ALG9: variants seen among roughly 807,000 people sequenced by gnomAD.
The protein encoded by ALG9 is ALG9 alpha-1,2-mannosyltransferase.
Under a neutral mutation model 81.8 loss-of-function variants are expected in ALG9, and 55 were observed. That is an observed-to-expected ratio of 0.67 (90% CI 0.54 to 0.84). ALG9 has a LOEUF of 0.84. ALG9 is among the 40% of genes least tolerant of loss of function. ALG9 has a pLI of 0.00. For missense variants in ALG9, 629 were observed against 745.0 expected (o/e 0.84, Z 1.81); for synonymous variants, 278 against 274.3 (o/e 1.01, Z -0.13).
intron 13 of ALG9, among the ~76,000 whole-genome samples, chr11:111,822,408 CAAA>C (rs56367678): frequency 1.5e-5 from 1 of 66,546 alleles, no homozygotes; most frequent in African/African-American, 6.7e-5. Context: ...AACTCAGTCT[CAAA>C]AAAAAAAAAA....
chr11:111,837,223 T>C (rs1955452429), intron 12 of ALG9, among the ~76,000 whole-genome samples: 1 of 152,096 alleles, frequency 6.6e-6, no homozygotes, highest in Non-Finnish European at 1.5e-5. Flanking sequence ...TTTTCAGAAG[T>C]CCCCAGACAC....
At chr11:111,851,020 C>T (rs1005268332) in intron 8 of ALG9, among the ~76,000 whole-genome samples, 10 of 152,312 alleles carry the variant, frequency 6.6e-5, no homozygotes, top group African/African-American at 2.4e-4. Context: ...CTGAAATGAA[C>T]AGCAAATGCC....
chr11:111,856,285 A>G (rs529433220), intron 6 of ALG9, among the ~76,000 whole-genome samples: 9 of 150,976 alleles, frequency 6.0e-5, no homozygotes, highest in Admixed American at 3.9e-4. Flanking sequence ...TCAAAAAAAA[A>G]AAAAAAAAAA....
chr11:111,796,150 G>A (rs891189813), intron 14 of ALG9, among the ~76,000 whole-genome samples: 2 of 152,052 alleles, frequency 1.3e-5, no homozygotes, highest in Non-Finnish European at 2.9e-5. Flanking sequence ...ACCAAATAAG[G>A]GCATCAGAAG....
At chr11:111,823,073 T>C (rs1455684896) in intron 13 of ALG9, among the ~76,000 whole-genome samples, 1 of 152,170 alleles carries the variant, frequency 6.6e-6, no homozygotes, top group East Asian at 1.9e-4. Flanking sequence ...TCCGACTAAG[T>C]GCTCTTTTTA....
At chr11:111,871,256 C>A (rs1315843764) in intron 1 of ALG9, 96 bp downstream of exon 1, 12 of 1,329,186 alleles carry the variant, frequency 9.0e-6, no homozygotes, top group Non-Finnish European at 1.1e-5. Flanking sequence ...GAGGCCAGGC[C>A]GGACTGAGCC....
At chr11:111,777,378 T>C (rs1945732914), downstream of ALG9, among the ~76,000 whole-genome samples, 1 of 152,174 alleles carries the variant, frequency 6.6e-6, no homozygotes, top group South Asian at 2.1e-4. Flanking sequence ...AATGAAGATA[T>C]TTCAACTTAC....
rs1413677072 is a variant in ALG9 at position 111,812,860 on chromosome 11, T to C, written c.1603-3087A>G. Among the ~76,000 whole-genome samples the C allele has an allele frequency of 5.3e-5, 7 of 131,422 alleles. No individual in the cohort carries two copies. The Admixed American group carries it at 6.6e-4, about 12-fold the overall frequency. The allele number at this position is 131,422 out of a possible 152,430, so 86.2% of individuals were successfully genotyped here. ...TGAACCCCGGAGGCAGTGGCTGCAG[T>C]GAGCCAAGATTGCACCACTGCACTC... On this transcript the variant is annotated intron_variant, in intron 13 of 14. Coordinates refer to ENST00000616540, the MANE Select transcript of ALG9 (RefSeq NM_024740.2).
At chr11:111,857,581 G>T (rs782150137) in intron 6 of ALG9, 21 bp downstream of exon 6, 30 of 1,613,840 alleles carry the variant, frequency 1.9e-5, no homozygotes, top group Non-Finnish European at 2.5e-5. Context: ...ATATATGGGA[G>T]GAGAACTGTT....
chr11:111,820,538 AC>A (rs1952165000), intron 13 of ALG9, among the ~76,000 whole-genome samples: 1 of 152,144 alleles, frequency 6.6e-6, no homozygotes, highest in South Asian at 2.1e-4. Flanking sequence ...TGACCCAAAC[AC>A]CTTCCATTAG....
In ALG9 at chr11:111,824,380, G is replaced by A. The variant is rs115299658; in HGVS notation, c.1602+11785C>T. On this transcript the variant is annotated intron_variant, in intron 13 of 14. Coordinates refer to ENST00000616540, the MANE Select transcript of ALG9 (RefSeq NM_024740.2). ...ATATATACAAATAGTCACCATTTTT[G>A]TCAAAATCTCCATTTTTTTCTTTAC... Among the ~76,000 whole-genome samples the A allele has an allele frequency of 5.8e-3, 879 of 152,190 alleles. 8 individuals are homozygous for A. The highest frequency in any genetic ancestry group is 0.02 in the African/African-American group (843 of 41,524).
intron 3 of ALG9, among the ~76,000 whole-genome samples, chr11:111,868,371 A>C (rs143748246): frequency 2.0e-5 from 3 of 152,218 alleles, no homozygotes; most frequent in Admixed American, 2.0e-4. Flanking sequence ...CTAAACCACA[A>C]GTTTCATTAA....
intron 6 of ALG9, among the ~76,000 whole-genome samples, chr11:111,856,276 CA>C (rs1175162630): frequency 3.2e-3 from 123 of 38,578 alleles, no homozygotes; most frequent in Admixed American, 8.9e-3. Context: ...GACTCCATCT[CA>C]AAAAAAAAAA....
the ALG9 span, among the ~76,000 whole-genome samples, chr11:111,769,714 C>G: frequency 6.6e-6 from 1 of 152,086 alleles, no homozygotes; most frequent in African/African-American, 2.4e-5. Context: ...TCGATATTAA[C>G]TCAAGCTTAA....
intron 13 of ALG9, among the ~76,000 whole-genome samples, chr11:111,813,922 T>C (rs555034502): frequency 1.1e-4 from 16 of 152,366 alleles, no homozygotes; most frequent in African/African-American, 3.1e-4. Flanking sequence ...TGAACATATG[T>C]ATTTCCTATG....
intron 14 of ALG9, among the ~76,000 whole-genome samples, chr11:111,790,859 G>A (rs1473154318): frequency 6.6e-6 from 1 of 152,218 alleles, no homozygotes; most frequent in African/African-American, 2.4e-5. Flanking sequence ...GCCAGTGAAA[G>A]TGTAAGCCTG....
intron 13 of ALG9, among the ~76,000 whole-genome samples, chr11:111,812,129 T>G (rs188317385): frequency 6.6e-6 from 1 of 152,234 alleles, no homozygotes; most frequent in African/African-American, 2.4e-5. Flanking sequence ...CTTACTATTA[T>G]AAATATGTCA....
chr11:111,870,785 C>T, intron 1 of ALG9: 1 of 1,007,414 alleles, frequency 9.9e-7, no homozygotes, highest in Non-Finnish European at 1.2e-6. Context: ...TTGAAGGCCA[C>T]AAAGCTGTCA....
intron 4 of ALG9, chr11:111,864,377 A>C: frequency 1.3e-6 from 1 of 765,620 alleles, no homozygotes; most frequent in Non-Finnish European, 2.4e-6. Flanking sequence ...CTGTCTGCAG[A>C]ATGTTCAACA....
Sources: gnomAD v4.1 joint callset for allele counts (sites outside exome capture counted in the v4.1 genomes callset) on GRCh38, gnomAD v4.1.1 for gene constraint, MANE v1.5 for transcripts, NCBI Gene and HGNC (gene_info 2026-07-23, HGNC 2026-07-21) for gene names.